CYSLTR2: variants seen among roughly 807,000 people sequenced by gnomAD.
The protein encoded by CYSLTR2 is cysteinyl leukotriene receptor 2.
For missense variants in CYSLTR2, 398 were observed against 411.9 expected (o/e 0.97, Z 0.29); for synonymous variants, 179 against 160.8 (o/e 1.11, Z -0.86).
chr13:48,654,705 C>A (rs1952960561), intron 1 of CYSLTR2, among the ~76,000 whole-genome samples: 1 of 152,212 alleles, frequency 6.6e-6, no homozygotes, highest in Non-Finnish European at 1.5e-5. Flanking sequence ...GGACCCTAAT[C>A]AGTGTTTCTC....
intron 1 of CYSLTR2, among the ~76,000 whole-genome samples, chr13:48,674,279 C>A (rs547690280): frequency 3.3e-5 from 5 of 152,270 alleles, no homozygotes; most frequent in African/African-American, 1.2e-4. Context: ...TAGGTTTGGT[C>A]TTTTCATATA....
chr13:48,664,537 A>G (rs564375812), intron 1 of CYSLTR2, among the ~76,000 whole-genome samples: 1 of 151,912 alleles, frequency 6.6e-6, no homozygotes, highest in African/African-American at 2.4e-5. Flanking sequence ...TGTTTTCTTC[A>G]TGGTTCAATC....
intron 1 of CYSLTR2, among the ~76,000 whole-genome samples, chr13:48,661,680 C>T (rs556718252): frequency 6.6e-6 from 1 of 152,308 alleles, no homozygotes; most frequent in East Asian, 1.9e-4. Flanking sequence ...CTACCTTACA[C>T]CAACTGTCTC....
At chr13:48,659,442 C>G (rs1953075270) in intron 1 of CYSLTR2, among the ~76,000 whole-genome samples, 1 of 152,174 alleles carries the variant, frequency 6.6e-6, no homozygotes, top group Non-Finnish European at 1.5e-5. Flanking sequence ...CGCAATGTCT[C>G]TATGTCATTT....
intron 4 of CYSLTR2, among the ~76,000 whole-genome samples, chr13:48,698,434 G>A (rs1954253104): frequency 6.6e-6 from 1 of 152,166 alleles, no homozygotes; most frequent in South Asian, 2.1e-4. Flanking sequence ...CTTCATAAGT[G>A]AAGGAGAAAT....
At chr13:48,659,241 G>A (rs1264559579) in intron 1 of CYSLTR2, among the ~76,000 whole-genome samples, 1 of 152,144 alleles carries the variant, frequency 6.6e-6, no homozygotes, top group African/African-American at 2.4e-5. Flanking sequence ...CAGGTGGGGT[G>A]GCAACAGGAA....
chr13:48,708,572 A>G lies in CYSLTR2; in HGVS notation c.*714A>G, dbSNP rs201899307. 4.3e-4 allele frequency: 72 copies of G among 167,240 alleles called. 1 individual carries two copies. Among genetic ancestry groups the G allele is most frequent in the Middle Eastern group, 3.4e-3 (1 of 296 alleles). The allele number at this position is 167,240 out of a possible 1,614,324, so 10.4% of individuals were successfully genotyped here. A position where few individuals can be genotyped will look rare whatever the true frequency, so the allele number is the denominator to read the frequency against. On this transcript the variant is annotated 3_prime_UTR_variant, in exon 5 of 5. Coordinates refer to ENST00000682523, the MANE Select transcript of CYSLTR2 (RefSeq NM_001308476.3). ...GAGGATCTGGGGCATTGCCCTAGGA[A>G]ATGAAAGAATTGTGTATAGAATGGA... is the stretch of plus-strand genomic sequence containing the variant.
intron 4 of CYSLTR2, 38 bp from the exon 5 acceptor site, chr13:48,706,779 A>G: frequency 6.5e-7 from 1 of 1,526,866 alleles, no homozygotes; most frequent in East Asian, 2.3e-5. Flanking sequence ...AGGGAAATTC[A>G]CAAAGTAACT....
rs745499497 is a variant in CYSLTR2 at position 48,707,629 on chromosome 13, T to TGAC, written c.816_818dup (p.Thr273dup). On this transcript the variant is annotated inframe_insertion, in exon 5 of 5. Coordinates refer to ENST00000682523, the MANE Select transcript of CYSLTR2 (RefSeq NM_001308476.3). ...TATCACACACTGAGGACCGTCCACT[T>TGAC]GACGACATGGAAAGTGGGTTTATGC... 1.2e-6 allele frequency: 2 copies of TGAC among 1,613,496 alleles called. No individual in the cohort carries two copies. The highest frequency in any genetic ancestry group is 2.2e-5 in the South Asian group (2 of 91,094).
intron 1 of CYSLTR2, among the ~76,000 whole-genome samples, chr13:48,690,634 T>G (rs1340980463): frequency 1.3e-5 from 2 of 152,194 alleles, no homozygotes. Flanking sequence ...AGCTTTTTGA[T>G]GTGCTGCTGG....
rs971009557 is a variant in CYSLTR2, at chr13:48,706,917, G to A, written c.100G>A (p.Glu34Lys). 6.2e-7 allele frequency: 1 copy of A among 1,614,036 alleles called. No homozygotes were observed. Among genetic ancestry groups the A allele is most frequent in the Admixed American group, 1.7e-5 (1 of 60,002 alleles). ...SNNNSRNCTI[E>K]NFKREFFPIV... ...TAACAACAGCAGGAACTGCACAATTGAAAACTTCAAGAGAGAATTTTTCCC... is the reference window on the plus strand; with the variant it reads ...TAACAACAGCAGGAACTGCACAATTAAAAACTTCAAGAGAGAATTTTTCCC... The change falls in exon 5 of 5, where the codon GAA becomes AAA. Residue 34 changes from glutamate (E) to lysine (K), a missense_variant. By Grantham distance (56) the Glu-to-Lys change is moderately conservative. Coordinates refer to ENST00000682523, the MANE Select transcript of CYSLTR2 (RefSeq NM_001308476.3).
chr13:48,656,075 A>AT (rs1334499436), intron 1 of CYSLTR2, among the ~76,000 whole-genome samples: 1 of 147,464 alleles, frequency 6.8e-6, no homozygotes, highest in African/African-American at 2.7e-5. Flanking sequence ...TTCAAGAAAG[A>AT]TAAAAAAACC....
chr13:48,704,864 T>A (rs1004307197), intron 4 of CYSLTR2, among the ~76,000 whole-genome samples: 1 of 152,060 alleles, frequency 6.6e-6, no homozygotes, highest in Non-Finnish European at 1.5e-5. Flanking sequence ...TGTCCCAGGA[T>A]GTGGTTTATC....
At chr13:48,691,651 C>T (rs1347335187) in intron 2 of CYSLTR2, among the ~76,000 whole-genome samples, 1 of 151,916 alleles carries the variant, frequency 6.6e-6, no homozygotes, top group African/African-American at 2.4e-5. Flanking sequence ...TGAGTCAAAG[C>T]CCCTAGTGTT....
In CYSLTR2 at chr13:48,707,911, T is replaced by G. The variant is rs1179698086; in HGVS notation, c.*53T>G. On this transcript the variant is annotated 3_prime_UTR_variant, in exon 5 of 5. Transcript: ENST00000682523. ...TATCCTTGTGTCCATCTTCATTCAC[T>G]CATAGTCTCCAAATGACTTTGTATT... 7 of 1,386,928 alleles carry G rather than the reference T, an allele frequency of 5.0e-6. No homozygotes were observed. The African/African-American group carries it at 1.0e-4, about 20-fold the overall frequency. The allele number at this position is 1,386,928 out of a possible 1,614,324, so 85.9% of individuals were successfully genotyped here.
chr13:48,678,443 C>G (rs1337246648), intron 1 of CYSLTR2, among the ~76,000 whole-genome samples: 2 of 152,138 alleles, frequency 1.3e-5, no homozygotes, highest in African/African-American at 4.8e-5. Context: ...ATCATTCCAG[C>G]CTCTTCTCTC....
At chr13:48,656,136 A>C (rs761434702) in intron 1 of CYSLTR2, among the ~76,000 whole-genome samples, 11 of 152,216 alleles carry the variant, frequency 7.2e-5, no homozygotes, top group Non-Finnish European at 1.6e-4. Flanking sequence ...TTCATTATTT[A>C]AGTTTATTTC....
chr13:48,661,666 C>T (rs1429358556), intron 1 of CYSLTR2, among the ~76,000 whole-genome samples: 2 of 152,118 alleles, frequency 1.3e-5, no homozygotes, highest in Non-Finnish European at 1.5e-5. Context: ...GCAGATGTGG[C>T]CTGCTACCTT....
intron 1 of CYSLTR2, among the ~76,000 whole-genome samples, chr13:48,656,083 A>T (rs1183179251): frequency 6.6e-6 from 1 of 152,140 alleles, no homozygotes; most frequent in Non-Finnish European, 1.5e-5. Context: ...AGATAAAAAA[A>T]CCATATATGC....
Sources: allele counts gnomAD v4.1 joint callset (sites outside exome capture counted in the v4.1 genomes callset), GRCh38; gene constraint gnomAD v4.1.1; transcripts MANE v1.5; gene names NCBI Gene and HGNC (gene_info 2026-07-23, HGNC 2026-07-21).